The following DIAPH3 variants were observed in gnomAD, a reference collection of about 807,000 sequenced individuals.
DIAPH3 encodes the protein protein diaphanous homolog 3.
Under a neutral mutation model 144.3 loss-of-function variants are expected in DIAPH3, and 117 were observed. The observed-to-expected ratio is 0.81, with a 90% CI of 0.70 to 0.95. The LOEUF (loss-of-function observed/expected upper bound fraction) is 0.95. Ranked by LOEUF, DIAPH3 falls within the 40% of genes least tolerant of loss-of-function variation. The pLI is 0.00. For missense variants in DIAPH3, 1,421 were observed against 1,412.7 expected (o/e 1.01, Z -0.09); for synonymous variants, 519 against 488.9 (o/e 1.06, Z -0.81).
Position 59,885,868 on chromosome 13 carries a change from AG to A in DIAPH3, c.2368-6401del, listed in dbSNP as rs2045411932. Among the ~76,000 whole-genome samples, 10 of 152,232 alleles carry A rather than the reference AG, an allele frequency of 6.6e-5. No homozygotes were observed. The South Asian group carries it at 2.1e-3, about 32-fold the overall frequency. On this transcript the variant is annotated intron_variant, in intron 20 of 27. Transcript: ENST00000400324. ...CAGATTCTCACTCAGAGACTCTGGA[AG>A]AAAGGAACCCTACCAATGCCTTCAT... is the stretch of plus-strand genomic sequence containing the variant.
In DIAPH3 at chr13:60,015,962, T is replaced by C. The variant is rs748592184; in HGVS notation, c.722A>G (p.Lys241Arg). 3 of 1,613,578 alleles carry C rather than the reference T, an allele frequency of 1.9e-6. No individual in the cohort carries two copies. In the Admixed American group the frequency reaches 5.0e-5, roughly 27 times the overall value. ...ACACTGTATGACTTTATGTTGATTT[T>C]TCTTTACAACTTTTTCTTGGCTGTA... ...SGKIQEKVVK[K>R]NQHKVIQCLK... The change falls in exon 7 of 28, where the codon AAA becomes AGA. Residue 241 changes from lysine to arginine, a missense_variant. Coordinates refer to ENST00000400324, the MANE Select transcript of DIAPH3 (RefSeq NM_001042517.2).
rs544958232 is a variant in DIAPH3, at chr13:60,115,113, A to G, written c.214-2927T>C. On this transcript the variant is annotated intron_variant, in intron 2 of 27. Coordinates refer to ENST00000400324, the MANE Select transcript of DIAPH3 (RefSeq NM_001042517.2). Reference sequence around the variant, plus strand: ...ATAAGAAAGAAAAAATACATTTACAATACTGTACTATATTTATCAATACTG... The same window carrying G: ...ATAAGAAAGAAAAAATACATTTACAGTACTGTACTATATTTATCAATACTG... 9.2e-5 allele frequency among the ~76,000 whole-genome samples: 14 copies of G among 152,352 alleles called. No individual in the cohort carries two copies. The South Asian group carries it at 2.9e-3, about 32-fold the overall frequency.
chr13:60,011,438 G>A (rs903954953), intron 7 of DIAPH3, among the ~76,000 whole-genome samples: 3 of 152,156 alleles, frequency 2.0e-5, no homozygotes, highest in African/African-American at 7.2e-5. Context: ...AACCACATGA[G>A]TAATTTAAAA....
At chr13:59,812,546 C>A (rs1402889389) in intron 24 of DIAPH3, among the ~76,000 whole-genome samples, 1 of 152,082 alleles carries the variant, frequency 6.6e-6, no homozygotes, top group East Asian at 1.9e-4. Context: ...GCCGTGATAG[C>A]ATTCCTGAGG....
chr13:59,909,221 T>C (rs2046875772), intron 20 of DIAPH3, among the ~76,000 whole-genome samples: 1 of 152,160 alleles, frequency 6.6e-6, no homozygotes, highest in African/African-American at 2.4e-5. Flanking sequence ...GTATTATTGA[T>C]AATGTTGATA....
chr13:59,890,618 A>T (rs1039218178), intron 20 of DIAPH3, among the ~76,000 whole-genome samples: 1 of 151,944 alleles, frequency 6.6e-6, no homozygotes, highest in African/African-American at 2.4e-5. Context: ...CAAATTAAAC[A>T]TGCTGTCCAC....
chr13:59,916,314 T>G, intron 18 of DIAPH3, 65 bp from the exon 19 acceptor site: 3 of 1,201,660 alleles, frequency 2.5e-6, no homozygotes, highest in Non-Finnish European at 3.7e-6. Flanking sequence ...TCAGATGTAG[T>G]TCTATTTATA....
At chr13:60,124,748 G>C (rs1710726719) in intron 2 of DIAPH3, among the ~76,000 whole-genome samples, 1 of 151,980 alleles carries the variant, frequency 6.6e-6, no homozygotes, top group Non-Finnish European at 1.5e-5. Context: ...CAGCTACTTG[G>C]GGGTCTGAGC....
intron 4 of DIAPH3, among the ~76,000 whole-genome samples, chr13:60,057,462 C>A (rs2056601646): frequency 6.6e-6 from 1 of 151,894 alleles, no homozygotes; most frequent in South Asian, 2.1e-4. Context: ...TGAAAATGAC[C>A]ATACTACCTA....
intron 5 of DIAPH3, among the ~76,000 whole-genome samples, chr13:60,029,525 T>C (rs1343949572): frequency 6.6e-6 from 1 of 152,186 alleles, no homozygotes; most frequent in Non-Finnish European, 1.5e-5. Context: ...TGCTAGTCTC[T>C]TGAAAGTGAG....
intron 20 of DIAPH3, among the ~76,000 whole-genome samples, chr13:59,910,637 G>A (rs2046950759): frequency 6.6e-6 from 1 of 151,852 alleles, no homozygotes; most frequent in South Asian, 2.1e-4. Context: ...GCTGAGGCAG[G>A]GGAATCGCTT....
intron 10 of DIAPH3, 105 bp downstream of exon 10, chr13:59,992,368 C>G (rs2051881259): frequency 2.6e-6 from 3 of 1,150,938 alleles, no homozygotes; most frequent in Non-Finnish European, 2.5e-6. Flanking sequence ...TAACTCAAGC[C>G]TTTTCCCACA....
chr13:59,731,504 T>C (rs1182099547), intron 27 of DIAPH3, among the ~76,000 whole-genome samples: 2 of 152,158 alleles, frequency 1.3e-5, no homozygotes, highest in East Asian at 1.9e-4. Context: ...CAAAAAAGAA[T>C]GCCATTCTGA....
At chr13:59,723,855 C>T (rs141564192) in intron 27 of DIAPH3, among the ~76,000 whole-genome samples, 6,497 of 151,240 alleles carry the variant, frequency 0.043, 225 homozygotes, top group Admixed American at 0.1. Flanking sequence ...CCTCGTGATC[C>T]GCCCGCCTCG....
At chr13:60,093,781 C>T (rs1566763722) in intron 3 of DIAPH3, 49 bp from the exon 4 acceptor site, 1 of 1,183,422 alleles carries the variant, frequency 8.5e-7, no homozygotes, top group Non-Finnish European at 1.3e-6. Flanking sequence ...AGTAGAGCAG[C>T]AATTCTACAT....
At chr13:59,975,764 A>T (rs1680057928) in intron 14 of DIAPH3, among the ~76,000 whole-genome samples, 1 of 152,046 alleles carries the variant, frequency 6.6e-6, no homozygotes, top group African/African-American at 2.4e-5. Flanking sequence ...TCTCAGTCTC[A>T]ACCTGTGTTC....
At chr13:60,096,584 T>C (rs540784542) in intron 3 of DIAPH3, among the ~76,000 whole-genome samples, 9 of 152,352 alleles carry the variant, frequency 5.9e-5, no homozygotes, top group South Asian at 4.1e-4. Flanking sequence ...ACTTGAATCA[T>C]TGGACTGTAA....
chr13:59,995,853 A>C (rs905132240), intron 9 of DIAPH3, among the ~76,000 whole-genome samples: 1 of 152,036 alleles, frequency 6.6e-6, no homozygotes, highest in Non-Finnish European at 1.5e-5. Context: ...ATAATACGTA[A>C]AAACCAAGAC....
intron 25 of DIAPH3, among the ~76,000 whole-genome samples, chr13:59,796,906 A>T (rs1288622410): frequency 2.6e-5 from 4 of 152,194 alleles, no homozygotes; most frequent in African/African-American, 9.7e-5. Flanking sequence ...TTATTAATTT[A>T]CAGAATACAA....
Sources: allele counts gnomAD v4.1 joint callset (sites outside exome capture counted in the v4.1 genomes callset), GRCh38; gene constraint gnomAD v4.1.1; transcripts MANE v1.5; gene names NCBI Gene and HGNC (gene_info 2026-07-23, HGNC 2026-07-21).